DNAAF5: variants seen among roughly 807,000 people sequenced by gnomAD.
DNAAF5 encodes dynein axonemal assembly factor 5, also known as HEAT repeat containing 2.
DNAAF5 carries 64 observed loss-of-function variants against 75.8 expected under a neutral mutation model. The observed-to-expected ratio is 0.84, with a 90% CI of 0.69 to 1.04. The LOEUF is 1.04. Ranked by LOEUF, DNAAF5 falls within the 50% of genes least tolerant of loss-of-function variation. The probability of loss-of-function intolerance (pLI) is 0.00; values close to 1 mark genes in which losing one functional copy is unlikely to be tolerated. For missense variants in DNAAF5, 1,269 were observed against 1,178.5 expected (o/e 1.08, Z -1.12); for synonymous variants, 657 against 557.2 (o/e 1.18, Z -2.52).
intron 6 of DNAAF5, among the ~76,000 whole-genome samples, chr7:761,004 T>C (rs1237853008): frequency 6.6e-6 from 1 of 152,240 alleles, no homozygotes; most frequent in Non-Finnish European, 1.5e-5. Context: ...CTGGGGCCAC[T>C]TTTCTTTTTA....
At chr7:781,419 C>T (rs965511180) in intron 12 of DNAAF5, among the ~76,000 whole-genome samples, 14 of 152,216 alleles carry the variant, frequency 9.2e-5, no homozygotes, top group African/African-American at 3.4e-4. Flanking sequence ...CTCCCTTCAT[C>T]TGTCCGTGGA....
rs190680063 is a variant in DNAAF5 at position 744,791 on chromosome 7, C to T, written c.1024+3326C>T. On this transcript the variant is annotated intron_variant, in intron 4 of 12. Transcript: ENST00000297440. Reference sequence around the variant, plus strand: ...ACTAATTTTGTATTTTTAATAGAGACAGGGTTTCGCCATGTTGGTCAGGGT... The same window carrying T: ...ACTAATTTTGTATTTTTAATAGAGATAGGGTTTCGCCATGTTGGTCAGGGT... Among the ~76,000 whole-genome samples, 219 of 152,206 alleles carry T rather than the reference C, an allele frequency of 1.4e-3. 1 individual carries two copies. The highest frequency in any genetic ancestry group is 4.7e-3 in the African/African-American group (197 of 41,536).
At position 727,017 on chromosome 7, in the gene DNAAF5, G is replaced by A; in HGVS notation, c.297G>A (p.Leu99=). Reference sequence around the variant, plus strand: ...GCTGCCGCGCGCTGGCAGTGCACCTGCTGGATCTGGGCCTGCGCCGCGCCG... The same window carrying A: ...GCTGCCGCGCGCTGGCAGTGCACCTACTGGATCTGGGCCTGCGCCGCGCCG... ...AEGCRALAVH[L]LDLGLRRAAR... Residue 99 remains leucine, a synonymous_variant, in exon 1 of 13, where the codon CTG becomes CTA. Coordinates refer to ENST00000297440, the MANE Select transcript of DNAAF5 (RefSeq NM_017802.4). 3 of 1,215,284 alleles carry A rather than the reference G, an allele frequency of 2.5e-6. No individual in the cohort carries two copies. Among genetic ancestry groups the A allele is most frequent in the Non-Finnish European group, 3.1e-6 (3 of 974,004 alleles). The allele number at this position is 1,215,284 out of a possible 1,614,324, so 75.3% of individuals were successfully genotyped here.
intron 4 of DNAAF5, among the ~76,000 whole-genome samples, chr7:749,695 G>A (rs1782227965): frequency 6.6e-6 from 1 of 152,144 alleles, no homozygotes. Context: ...TACAGAAGAA[G>A]GAACTTCTTT....
intron 12 of DNAAF5, among the ~76,000 whole-genome samples, chr7:782,701 G>A (rs1779010475): frequency 9.1e-6 from 1 of 109,946 alleles, no homozygotes; most frequent in Non-Finnish European, 1.8e-5. Context: ...CCGTCACGCA[G>A]CGTCAGAAAC....
chr7:762,539 T>TA (rs1221074366), intron 7 of DNAAF5, among the ~76,000 whole-genome samples: 1 of 151,712 alleles, frequency 6.6e-6, no homozygotes, highest in Non-Finnish European at 1.5e-5. Flanking sequence ...CGAGAGAAGA[T>TA]ACCGTGATTT....
chr7:735,769 A>C (rs1179765983), intron 2 of DNAAF5, among the ~76,000 whole-genome samples: 3 of 151,672 alleles, frequency 2.0e-5, no homozygotes, highest in African/African-American at 7.3e-5. Context: ...TATTTTTTTT[A>C]ATTTCAATTT....
intron 11 of DNAAF5, among the ~76,000 whole-genome samples, chr7:775,721 T>C (rs1583519490): frequency 6.6e-6 from 1 of 152,314 alleles, no homozygotes; most frequent in Admixed American, 6.5e-5. Flanking sequence ...CATGTACACA[T>C]TGCATTCGGC....
intron 7 of DNAAF5, among the ~76,000 whole-genome samples, chr7:762,936 C>T (rs993758926): frequency 6.6e-6 from 1 of 152,162 alleles, no homozygotes; most frequent in Non-Finnish European, 1.5e-5. Context: ...AATCTTTTAA[C>T]CCCAACCTTC....
chr7:760,211 G>A (rs1011028180), intron 6 of DNAAF5, among the ~76,000 whole-genome samples: 3 of 152,168 alleles, frequency 2.0e-5, no homozygotes, highest in Non-Finnish European at 4.4e-5. Flanking sequence ...GTAGTACAGT[G>A]GGAGTGTTTT....
chr7:739,955 G>A (rs1338607191), intron 2 of DNAAF5, among the ~76,000 whole-genome samples: 1 of 152,174 alleles, frequency 6.6e-6, no homozygotes, highest in Non-Finnish European at 1.5e-5. Context: ...GGGCAGAGAC[G>A]CTTCATCCAA....
At chr7:765,504 C>G (rs552669706) in intron 8 of DNAAF5, among the ~76,000 whole-genome samples, 1 of 152,182 alleles carries the variant, frequency 6.6e-6, no homozygotes, top group Non-Finnish European at 1.5e-5. Context: ...CCAGGACTTG[C>G]ATTTACTGCA....
intron 2 of DNAAF5, among the ~76,000 whole-genome samples, chr7:732,327 G>T (rs902877615): frequency 6.6e-6 from 1 of 152,268 alleles, no homozygotes; most frequent in Non-Finnish European, 1.5e-5. Flanking sequence ...CAGGACGGAC[G>T]TATGGCCGTG....
At chr7:781,523 G>A (rs1778940310) in intron 12 of DNAAF5, among the ~76,000 whole-genome samples, 1 of 152,122 alleles carries the variant, frequency 6.6e-6, no homozygotes, top group Admixed American at 6.5e-5. Flanking sequence ...CTCTCTTTTG[G>A]GTATTTGCCC....
At chr7:757,192 C>T (rs1447387380) in intron 6 of DNAAF5, among the ~76,000 whole-genome samples, 198 bp downstream of exon 6, 1 of 152,254 alleles carries the variant, frequency 6.6e-6, no homozygotes, top group Admixed American at 6.5e-5. Flanking sequence ...GGAGTGCCCT[C>T]GCTGATAGCC....
chr7:785,689 C>T lies in DNAAF5; in HGVS notation c.*36C>T, dbSNP rs1319443279. 1 of 1,602,626 alleles carries T rather than the reference C, an allele frequency of 6.2e-7. No homozygotes were observed. The highest frequency in any genetic ancestry group is 1.7e-5 in the Admixed American group (1 of 59,502). On this transcript the variant is annotated 3_prime_UTR_variant, in exon 13 of 13. Coordinates refer to ENST00000297440, the MANE Select transcript of DNAAF5 (RefSeq NM_017802.4). ...TTCAGCCACGGCACACCCTTGTCCC[C>T]ACCTGAGCCAGAGTTTGTGGCCTTT... is the stretch of plus-strand genomic sequence containing the variant.
intron 12 of DNAAF5, among the ~76,000 whole-genome samples, chr7:781,865 G>C (rs1252676569): frequency 1.3e-5 from 2 of 152,188 alleles, no homozygotes; most frequent in African/African-American, 4.8e-5. Context: ...TTGAGCCTGA[G>C]CTCCTCATAT....
chr7:784,218 C>G (rs1779076793), intron 12 of DNAAF5, among the ~76,000 whole-genome samples: 1 of 152,214 alleles, frequency 6.6e-6, no homozygotes, highest in Non-Finnish European at 1.5e-5. Context: ...TGCTCAGTCT[C>G]TTGGTCTTTC....
At position 754,572 on chromosome 7, in the gene DNAAF5, T is replaced by C; in HGVS notation, c.1025-17T>C. 1 of 1,601,950 alleles carries C rather than the reference T, an allele frequency of 6.2e-7. No individual in the cohort carries two copies. Among genetic ancestry groups the C allele is most frequent in the South Asian group, 1.1e-5 (1 of 90,598 alleles). The stretch of plus-strand genomic sequence containing the variant: ...TGCTTGTGAATTTCTCATTCTTCTT[T>C]CCCTTTTTCGTTCCAGAGCGCCGCC... On this transcript the variant is annotated splice_polypyrimidine_tract_variant and intron_variant, in intron 4 of 12. Transcript: ENST00000297440. This position sits in a 1 kb window ranked among gnomAD's most constrained non-coding sequence, Gnocchi z 4.8.
Sources: allele counts gnomAD v4.1 joint callset (sites outside exome capture counted in the v4.1 genomes callset), GRCh38; gene constraint gnomAD v4.1.1; non-coding constraint Gnocchi (gnomAD v3.1); transcripts MANE v1.5; gene names NCBI Gene and HGNC (gene_info 2026-07-23, HGNC 2026-07-21).